DCAF4: variants seen among roughly 807,000 people sequenced by gnomAD.
DCAF4 encodes DDB1- and CUL4-associated factor 4.
DCAF4 carries 37 observed loss-of-function variants against 60.9 expected under a neutral mutation model. The ratio of observed to expected loss-of-function variants is 0.61; its 90% confidence interval spans 0.47 to 0.80. The LOEUF is 0.80. Among genes scored for constraint, DCAF4 ranks in the 30% least tolerant of loss-of-function variants. The pLI, the probability that DCAF4 is intolerant of heterozygous loss-of-function variation, is 0.00. For synonymous variants in DCAF4, 243 were observed against 254.8 expected (o/e 0.95, Z 0.44); for missense variants, 577 against 650.0 (o/e 0.89, Z 1.22).
chr14:72,937,902 CAAG>C (rs1889505140), intron 1 of DCAF4, 66 bp from the exon 2 acceptor site: 1 of 1,483,428 alleles, frequency 6.7e-7, no homozygotes, highest in African/African-American at 1.4e-5. Context: ...AAGCAGCTGC[CAAG>C]AAGCAAACAG....
intron 1 of DCAF4, among the ~76,000 whole-genome samples, chr14:72,933,357 G>C (rs1008029163): frequency 1.3e-5 from 2 of 152,212 alleles, no homozygotes; most frequent in Non-Finnish European, 2.9e-5. Flanking sequence ...TCAGGAGTTC[G>C]AGACCAGCCT....
intron 1 of DCAF4, among the ~76,000 whole-genome samples, chr14:72,937,600 T>G (rs911912064): frequency 5.9e-5 from 9 of 151,994 alleles, no homozygotes; most frequent in Non-Finnish European, 8.8e-5. Context: ...TTTGTATTTT[T>G]AGTAGAGATG....
chr14:72,955,534 G>A lies in DCAF4; in HGVS notation c.1017G>A (p.Leu339=), dbSNP rs1405840016. 1 of 1,613,880 alleles carries A rather than the reference G, an allele frequency of 6.2e-7. No homozygotes were observed. Among genetic ancestry groups the A allele is most frequent in the South Asian group, 1.1e-5 (1 of 91,042 alleles). Residue 339 remains leucine, a synonymous_variant, in exon 12 of 14, where the codon CTG becomes CTA. Transcript: ENST00000358377. The part of the protein sequence containing the change: ...AQQFALMAPL[L]FNGCRSGEIF... Reference sequence around the variant, plus strand: ...CCCTCTTTCCACAGGCTCCTCTGCTGTTTAATGGCTGCCGCTCTGGGGAAA... The same window carrying A: ...CCCTCTTTCCACAGGCTCCTCTGCTATTTAATGGCTGCCGCTCTGGGGAAA...
chr14:72,931,557 A>G (rs1278920361), intron 1 of DCAF4, among the ~76,000 whole-genome samples: 1 of 152,104 alleles, frequency 6.6e-6, no homozygotes, highest in Non-Finnish European at 1.5e-5. Flanking sequence ...AACTTCCACT[A>G]CAATGTTGAA....
intron 8 of DCAF4, 31 bp downstream of exon 8, chr14:72,947,222 G>C (rs764386488): frequency 6.2e-7 from 1 of 1,613,390 alleles, no homozygotes; most frequent in South Asian, 1.1e-5. Context: ...AGGTTTGGTG[G>C]GCAGGCCACA....
intron 8 of DCAF4, among the ~76,000 whole-genome samples, chr14:72,951,415 G>A (rs1048002025): frequency 3.3e-5 from 5 of 152,032 alleles, no homozygotes; most frequent in East Asian, 3.9e-4. Flanking sequence ...TGTTCGAGAC[G>A]AGTCTGACCA....
At chr14:72,932,422 G>A (rs1388646763) in intron 1 of DCAF4, among the ~76,000 whole-genome samples, 1 of 152,188 alleles carries the variant, frequency 6.6e-6, no homozygotes, top group Non-Finnish European at 1.5e-5. Flanking sequence ...CCAGAAGGAA[G>A]GCATGTACAT....
intron 12 of DCAF4, among the ~76,000 whole-genome samples, chr14:72,956,087 T>C (rs1240800831): frequency 6.6e-6 from 1 of 151,956 alleles, no homozygotes; most frequent in Non-Finnish European, 1.5e-5. Context: ...TGCGCCCGGC[T>C]AATTTTTGTA....
In DCAF4 at chr14:72,940,278, A is replaced by T. The variant is rs777545165; in HGVS notation, c.252A>T (p.Gly84=). ...EKKRYFRLLP[G]HNNCNPLTKE... ...AACGCTACTTCCGCTTGCTCCCTGGACATAACAACTGCAACCCCCTGACGA... is the reference window on the plus strand; with the variant it reads ...AACGCTACTTCCGCTTGCTCCCTGGTCATAACAACTGCAACCCCCTGACGA... Residue 84 remains glycine, a synonymous_variant, in exon 4 of 14, where the codon GGA becomes GGT. Transcript: ENST00000358377. 1 of 1,614,194 alleles carries T rather than the reference A, an allele frequency of 6.2e-7. No homozygotes were observed. Among genetic ancestry groups the T allele is most frequent in the Non-Finnish European group, 8.5e-7 (1 of 1,180,038 alleles).
At chr14:72,945,257 G>A (rs1280211761) in intron 6 of DCAF4, among the ~76,000 whole-genome samples, 1 of 152,082 alleles carries the variant, frequency 6.6e-6, no homozygotes, top group African/African-American at 2.4e-5. Context: ...GCCAGGCACA[G>A]TGGTTCATGC....
downstream of DCAF4, chr14:72,961,943 C>A: frequency 1.7e-6 from 2 of 1,146,658 alleles, no homozygotes; most frequent in Non-Finnish European, 2.2e-6. Flanking sequence ...AACACCCCAG[C>A]TCTCCGTCGG....
intron 2 of DCAF4, among the ~76,000 whole-genome samples, chr14:72,938,460 A>G (rs1340656054): frequency 6.6e-6 from 1 of 152,200 alleles, no homozygotes; most frequent in African/African-American, 2.4e-5. Context: ...AATTCAGCCT[A>G]AGTCTCGGAC....
intron 11 of DCAF4, 38 bp from the exon 12 acceptor site, chr14:72,955,485 C>T (rs865880046): frequency 6.2e-7 from 1 of 1,601,472 alleles, no homozygotes; most frequent in Non-Finnish European, 8.5e-7. Flanking sequence ...AGAGGGATGT[C>T]ATGATAGCCA....
At chr14:72,939,710 C>A in intron 2 of DCAF4, 92 bp from the exon 3 acceptor site, 1 of 1,060,762 alleles carries the variant, frequency 9.4e-7, no homozygotes, top group Non-Finnish European at 1.4e-6. Context: ...GAGGTGAAGG[C>A]TGCAGAACTG....
intron 4 of DCAF4, among the ~76,000 whole-genome samples, chr14:72,941,181 G>A (rs1889995939): frequency 6.6e-6 from 1 of 152,018 alleles, no homozygotes; most frequent in Admixed American, 6.6e-5. Flanking sequence ...GGCCAGGCTG[G>A]TCTCGAACTC....
chr14:72,947,102 G>A (rs1176763780), intron 7 of DCAF4, 40 bp from the exon 8 acceptor site: 7 of 1,613,542 alleles, frequency 4.3e-6, no homozygotes, highest in South Asian at 3.3e-5. Context: ...GCATATTACT[G>A]TAGAATAACT....
chr14:72,953,742 T>A (rs200794162), intron 9 of DCAF4, among the ~76,000 whole-genome samples: 4,059 of 46,184 alleles, frequency 0.088, 1,213 homozygotes, highest in Non-Finnish European at 0.12. Flanking sequence ...AATATATATA[T>A]ATATATATAT....
At chr14:72,928,133 C>T (rs1454559276) in intron 1 of DCAF4, among the ~76,000 whole-genome samples, 2 of 141,384 alleles carry the variant, frequency 1.4e-5, no homozygotes, top group African/African-American at 2.6e-5. Flanking sequence ...CTTTACAGAC[C>T]AGTGGCGTTA....
chr14:72,952,966 T>C (rs1891623038), intron 9 of DCAF4, among the ~76,000 whole-genome samples: 1 of 143,936 alleles, frequency 6.9e-6, no homozygotes, highest in African/African-American at 2.6e-5. Flanking sequence ...GTGCTGGGAT[T>C]ACAGGTGTGA....
Sources: gnomAD v4.1 joint callset for allele counts (sites outside exome capture counted in the v4.1 genomes callset) on GRCh38, gnomAD v4.1.1 for gene constraint, MANE v1.5 for transcripts, NCBI Gene and HGNC (gene_info 2026-07-23, HGNC 2026-07-21) for gene names.